The following SLC6A12 variants were observed in gnomAD, a reference collection of about 807,000 sequenced individuals.
SLC6A12 encodes the protein sodium- and chloride-dependent betaine transporter.
In SLC6A12, 50 loss-of-function variants were observed where a neutral mutation model predicts 73.3. The ratio of observed to expected loss-of-function variants is 0.68; its 90% CI spans 0.54 to 0.86. The LOEUF is 0.86. Among genes scored for constraint, SLC6A12 ranks in the 40% least tolerant of loss-of-function variants. The pLI is 0.00. For missense variants in SLC6A12, 648 were observed against 772.8 expected (o/e 0.84, Z 1.92); for synonymous variants, 304 against 309.2 (o/e 0.98, Z 0.18).
At chr12:187,613 AAAAAAAAAAAAAAAAAAAC>A (rs572519820), downstream of SLC6A12, among the ~76,000 whole-genome samples, 290 of 15,518 alleles carry the variant, frequency 0.019, 6 homozygotes, top group Admixed American at 0.029. Flanking sequence ...AAAAAAAAAA[AAAAAAAAAAAAAAAAAAAC>A]AAACCACACA....
In SLC6A12 at chr12:201,749, GCC is replaced by G. The variant is rs1940275433; in HGVS notation, c.578+11_578+12del. ...TTTCCTCTTCATATGTGGCAAATGGGCCCAGCACCTACTCCCAGAATTCCATG... is the reference window on the plus strand; with the variant it reads ...TTTCCTCTTCATATGTGGCAAATGGGCAGCACCTACTCCCAGAATTCCATG... On this transcript the variant is annotated intron_variant, in intron 6 of 15. Coordinates refer to ENST00000684302, the MANE Select transcript of SLC6A12 (RefSeq NM_001122848.3). The G allele has an allele frequency of 6.2e-7, 1 of 1,607,000 alleles. No homozygotes were observed. The highest frequency in any genetic ancestry group is 8.5e-7 in the Non-Finnish European group (1 of 1,173,612).
Position 196,809 on chromosome 12 carries a change from C to T in SLC6A12, c.1149G>A (p.Leu383=), listed in dbSNP as rs1415528642. The change falls in exon 11 of 16, where the codon CTG becomes CTA. Residue 383 remains leucine (L), a synonymous_variant. Coordinates refer to ENST00000684302, the MANE Select transcript of SLC6A12 (RefSeq NM_001122848.3). ...CTAGGAATATGAGCATGATAAAGAA[C>T]AGGCAGGACCACAGCTGGGATAAGG... ...MMPLSQLWSC[L]FFIMLIFLGL... is the part of the protein sequence containing the mutation. 6.2e-7 allele frequency: 1 copy of T among 1,613,788 alleles called. No individual in the cohort carries two copies. Among genetic ancestry groups the T allele is most frequent in the African/African-American group, 1.3e-5 (1 of 74,918 alleles).
chr12:188,243 C>T (rs61907087), downstream of SLC6A12, among the ~76,000 whole-genome samples: 58,321 of 152,080 alleles, frequency 0.38, 11,314 homozygotes, highest in South Asian at 0.5. Context: ...TGGCGAGCTG[C>T]AGGTTCCGAG....
At position 196,816 on chromosome 12, in the gene SLC6A12, G is replaced by T; in HGVS notation, c.1142C>A (p.Ser381Tyr). Reference protein sequence around the residue: ...VTMMPLSQLWSCLFFIMLIFL... With the variant: ...VTMMPLSQLWYCLFFIMLIFL... ...TATGAGCATGATAAAGAACAGGCAG[G>T]ACCACAGCTGGGATAAGGGCATCAT... The change falls in exon 11 of 16, where the codon TCC becomes TAC. Residue 381 changes from serine (S) to tyrosine (Y), a missense_variant. Transcript: ENST00000684302. 1 of 1,613,888 alleles carries T rather than the reference G, an allele frequency of 6.2e-7. No homozygotes were observed. Among genetic ancestry groups the T allele is most frequent in the South Asian group, 1.1e-5 (1 of 91,038 alleles).
rs1032796208 is a variant in SLC6A12, at chr12:202,595, A to C, written c.490+145T>G. The C allele has an allele frequency of 2.6e-5, 19 of 737,156 alleles. No homozygotes were observed. In the African/African-American group the frequency reaches 3.4e-4, roughly 13 times the overall value. The allele number at this position is 737,156 out of a possible 1,614,324, so 45.7% of individuals were successfully genotyped here. A position where few individuals can be genotyped will look rare whatever the true frequency, so the allele number is the denominator to read the frequency against. ...TGGCCTGAGGGCCTCAGAGGAGCCA[A>C]GGAGCAGAGCTGCCCAGGAGCCCAC... On this transcript the variant is annotated intron_variant, in intron 5 of 15. Coordinates refer to ENST00000684302, the MANE Select transcript of SLC6A12 (RefSeq NM_001122848.3).
chr12:199,956 A>G (rs1383637134), intron 7 of SLC6A12, among the ~76,000 whole-genome samples: 3 of 152,232 alleles, frequency 2.0e-5, no homozygotes, highest in Non-Finnish European at 4.4e-5. Context: ...TGTCATAGCC[A>G]CACATAATGG....
chr12:186,728 T>C (rs1939436588), downstream of SLC6A12, among the ~76,000 whole-genome samples: 1 of 152,242 alleles, frequency 6.6e-6, no homozygotes, highest in Non-Finnish European at 1.5e-5. Flanking sequence ...GCGCTGCTGA[T>C]GTTAACACAT....
the SLC6A12 span, among the ~76,000 whole-genome samples, chr12:183,999 T>C: frequency 1.3e-5 from 2 of 151,966 alleles, no homozygotes; most frequent in African/African-American, 4.8e-5. Context: ...AAGCACGGTA[T>C]GAGAAAAAGA....
chr12:193,186 G>T, intron 14 of SLC6A12, 91 bp downstream of exon 14: 3 of 918,782 alleles, frequency 3.3e-6, no homozygotes, highest in Non-Finnish European at 5.4e-6. Context: ...GACAGGTGGG[G>T]AAAGAGCCCT....
chr12:206,378 T>C (rs942215751), intron 3 of SLC6A12, among the ~76,000 whole-genome samples: 2 of 152,238 alleles, frequency 1.3e-5, no homozygotes, highest in Non-Finnish European at 2.9e-5. Flanking sequence ...CATGCATGCC[T>C]CCAAGATTGA....
intron 1 of SLC6A12, among the ~76,000 whole-genome samples, chr12:212,444 G>A (rs1940940774): frequency 6.6e-6 from 1 of 152,214 alleles, no homozygotes; most frequent in Non-Finnish European, 1.5e-5. Flanking sequence ...CAGGATTTGG[G>A]TTTCATCAGA....
At chr12:201,921 C>T (rs1017308090) in intron 5 of SLC6A12, 72 bp from the exon 6 acceptor site, 11 of 1,362,072 alleles carry the variant, frequency 8.1e-6, no homozygotes, top group Admixed American at 3.4e-5. Flanking sequence ...GCCCTCTGGC[C>T]TTGCAGCCTA....
downstream of SLC6A12, among the ~76,000 whole-genome samples, chr12:186,236 G>A (rs1939426734): frequency 6.6e-6 from 1 of 152,134 alleles, no homozygotes. Flanking sequence ...GCACCCACAG[G>A]CCACAGTGCA....
In SLC6A12 at chr12:196,671, T is replaced by C; in HGVS notation, c.1188+99A>G. ...GACAGCAGAGGGGGCCTCAGGTGTG[T>C]GGTCAGGGGAGTGGGAGTGAGGGGA... On this transcript the variant is annotated intron_variant, in intron 11 of 15. Coordinates refer to ENST00000684302, the MANE Select transcript of SLC6A12 (RefSeq NM_001122848.3). 3 of 841,828 alleles carry C rather than the reference T, an allele frequency of 3.6e-6. No homozygotes were observed. In the South Asian group the frequency reaches 4.4e-5, roughly 12 times the overall value. The allele number at this position is 841,828 out of a possible 1,614,324, so 52.1% of individuals were successfully genotyped here.
rs1243289172 is a variant in SLC6A12, at chr12:200,675, C to T, written c.687G>A (p.Trp229Ter). ...LAWVICYFCIWKGVKSTGKVV... is the reference protein window; with the variant it reads ...LAWVICYFCI ...CCTTGCCTGTGGACTTGACCCCCTTCCAGATGCAGAAATAGCAGATGACCC... is the reference window on the plus strand; with the variant it reads ...CCTTGCCTGTGGACTTGACCCCCTTTCAGATGCAGAAATAGCAGATGACCC... Residue 229 changes from tryptophan to a stop codon, truncating the protein, a stop_gained, in exon 7 of 16, where the codon TGG (tryptophan) becomes TGA (stop). Transcript: ENST00000684302. LOFTEE classifies it high-confidence loss of function. 2 of 1,614,146 alleles carry T rather than the reference C, an allele frequency of 1.2e-6. No homozygotes were observed. The highest frequency in any genetic ancestry group is 2.2e-5 in the South Asian group (2 of 91,068).
rs915269209 is a variant in SLC6A12, at chr12:198,749, G to A, written c.846+48C>T. 3.6e-5 allele frequency: 57 copies of A among 1,590,850 alleles called. No individual in the cohort carries two copies. The highest frequency in any genetic ancestry group is 4.9e-5 in the Non-Finnish European group (57 of 1,161,586). On this transcript the variant is annotated intron_variant, in intron 8 of 15. Transcript: ENST00000684302. This position sits in a 1 kb window ranked among gnomAD's most constrained non-coding sequence, Gnocchi z 4.0. Reference sequence around the variant, plus strand: ...CAAGACTTTCAAAACTACAGACCTGGCTGGGTGGGGAAGGCACCTGGGGAA... The same window carrying A: ...CAAGACTTTCAAAACTACAGACCTGACTGGGTGGGGAAGGCACCTGGGGAA...
rs372623879 is a variant in SLC6A12 at position 198,859 on chromosome 12, C to T, written c.784G>A (p.Gly262Arg). ...ILLIRGVTLP[G>R]AYQGIIYYLK... ...TAGTAGATGATGCCCTGGTAGGCTC[C>T]GGGAAGGGTGACACCTCTGATCAGC... The change falls in exon 8 of 16, where the codon GGA (glycine) becomes AGA (arginine). Residue 262 changes from glycine to arginine, a missense_variant. Gly to Arg is a moderately radical substitution (Grantham distance 125). Coordinates refer to ENST00000684302, the MANE Select transcript of SLC6A12 (RefSeq NM_001122848.3). The surrounding 1 kb of genome is among the most constrained non-coding windows in gnomAD (Gnocchi z 4.0). 14 of 1,613,974 alleles carry T rather than the reference C, an allele frequency of 8.7e-6. No individual in the cohort carries two copies. The highest frequency in any genetic ancestry group is 5.3e-5 in the African/African-American group (4 of 74,892).
chr12:186,549 C>A (rs1213791280), downstream of SLC6A12, among the ~76,000 whole-genome samples: 1 of 152,218 alleles, frequency 6.6e-6, no homozygotes, highest in Non-Finnish European at 1.5e-5. Context: ...AGGGCTGCTG[C>A]CACTAGAAGC....
rs1459596811 is a variant in SLC6A12, at chr12:204,593, G to A, written c.320C>T (p.Ala107Val). ...GAAGAGGGGGCAGATCTTCCTCCAG[G>A]CTGTGACACTCCCTTGGCTGGTGTA... is the stretch of plus-strand genomic sequence containing the variant. Reference protein sequence around the residue: ...GQYTSQGSVTAWRKICPLFQG... With the variant: ...GQYTSQGSVTVWRKICPLFQG... The change falls in exon 4 of 16, where the codon GCC (alanine) becomes GTC (valine). Residue 107 changes from alanine (A) to valine (V), a missense_variant. Ala to Val is a moderately conservative substitution (Grantham distance 64). Coordinates refer to ENST00000684302, the MANE Select transcript of SLC6A12 (RefSeq NM_001122848.3). The A allele has an allele frequency of 6.2e-7, 1 of 1,614,198 alleles. No individual in the cohort carries two copies. Among genetic ancestry groups the A allele is most frequent in the Admixed American group, 1.7e-5 (1 of 60,032 alleles).
Sources: gnomAD v4.1 joint callset for allele counts (sites outside exome capture counted in the v4.1 genomes callset) on GRCh38, gnomAD v4.1.1 for gene constraint, Gnocchi (gnomAD v3.1) non-coding constraint, MANE v1.5 for transcripts, NCBI Gene and HGNC (gene_info 2026-07-23, HGNC 2026-07-21) for gene names.